PPARGC1A: variants seen among roughly 807,000 people sequenced by gnomAD.
PPARGC1A encodes the protein peroxisome proliferator-activated receptor gamma coactivator 1-alpha.
A neutral mutation model predicts 88.7 loss-of-function variants in PPARGC1A; 25 were observed. That is an observed-to-expected ratio of 0.28 (90% CI 0.21 to 0.39). PPARGC1A has a LOEUF of 0.39. Among genes scored for constraint, PPARGC1A ranks in the 10% least tolerant of loss-of-function variants. The pLI, the probability that PPARGC1A is intolerant of heterozygous loss-of-function variation, is 1.00. For missense variants in PPARGC1A, 880 were observed against 968.7 expected, an observed-to-expected ratio of 0.91 and a Z score of 1.22; for synonymous variants, 363 against 355.6, an observed-to-expected ratio of 1.02 and a Z score of -0.24.
At chr4:23,940,104 G>A in the PPARGC1A span, among the ~76,000 whole-genome samples, 2 of 152,094 alleles carry the variant, frequency 1.3e-5, no homozygotes, top group Non-Finnish European at 2.9e-5. Context: ...TGTAATCAAT[G>A]ATTTATCAGA....
the PPARGC1A span, among the ~76,000 whole-genome samples, chr4:24,326,374 G>A: frequency 6.6e-6 from 1 of 151,902 alleles, no homozygotes; most frequent in African/African-American, 2.4e-5. Context: ...AAATTGTTTT[G>A]CCTATCCACC....
chr4:23,876,574 G>T (rs577841953), intron 2 of PPARGC1A, among the ~76,000 whole-genome samples: 1 of 152,062 alleles, frequency 6.6e-6, no homozygotes, highest in Admixed American at 6.6e-5. Context: ...CTGATTTGGC[G>T]CAGGGAAGGG....
the PPARGC1A span, among the ~76,000 whole-genome samples, chr4:24,172,868 C>T: frequency 2.6e-5 from 4 of 152,208 alleles, no homozygotes; most frequent in African/African-American, 9.6e-5. Context: ...ACCTAAAAGC[C>T]TCTTCAGTTT....
At chr4:24,020,105 T>C in the PPARGC1A span, among the ~76,000 whole-genome samples, 1 of 152,150 alleles carries the variant, frequency 6.6e-6, no homozygotes, top group Non-Finnish European at 1.5e-5. Flanking sequence ...CCAAACTCCA[T>C]CCACTCCTTC....
intron 7 of PPARGC1A, among the ~76,000 whole-genome samples, chr4:23,817,714 C>T (rs757318026): frequency 2.0e-5 from 3 of 152,018 alleles, no homozygotes; most frequent in Non-Finnish European, 4.4e-5. Context: ...TTGGCTAATT[C>T]CCTAAACCCT....
the PPARGC1A span, among the ~76,000 whole-genome samples, chr4:23,940,119 G>C: frequency 6.6e-6 from 1 of 152,146 alleles, no homozygotes. Context: ...ATCAGAACCA[G>C]TCTGGGTCTT....
the PPARGC1A span, among the ~76,000 whole-genome samples, chr4:24,082,079 T>C: frequency 0.062 from 9,463 of 152,144 alleles, 861 homozygotes; most frequent in African/African-American, 0.2. Flanking sequence ...ATATTTATTG[T>C]TCACCCGAAC....
At chr4:24,361,329 A>G in the PPARGC1A span, among the ~76,000 whole-genome samples, 1 of 152,228 alleles carries the variant, frequency 6.6e-6, no homozygotes, top group Non-Finnish European at 1.5e-5. Context: ...GTGAGAACCT[A>G]CAACTCCCCA....
chr4:23,830,650 C>A (rs891691580), intron 3 of PPARGC1A, among the ~76,000 whole-genome samples: 6 of 152,152 alleles, frequency 3.9e-5, no homozygotes, highest in Non-Finnish European at 8.8e-5. Context: ...AGAGTAACAA[C>A]CTCTAAATGG....
At chr4:24,114,125 A>AC in the PPARGC1A span, among the ~76,000 whole-genome samples, 1 of 133,354 alleles carries the variant, frequency 7.5e-6, no homozygotes, top group Admixed American at 7.3e-5. Context: ...CTCCATCACA[A>AC]AAAAAAAAAA....
chr4:23,806,002 C>G (rs1040181978), intron 10 of PPARGC1A, among the ~76,000 whole-genome samples: 2 of 152,020 alleles, frequency 1.3e-5, no homozygotes, highest in African/African-American at 4.8e-5. Context: ...AAATATAAAC[C>G]AGAGGACCTT....
chr4:24,029,396 T>G, the PPARGC1A span, among the ~76,000 whole-genome samples: 1 of 152,176 alleles, frequency 6.6e-6, no homozygotes, highest in African/African-American at 2.4e-5. Flanking sequence ...GCCTTAACCT[T>G]TCCCAGGTCC....
At chr4:24,276,358 T>C in the PPARGC1A span, among the ~76,000 whole-genome samples, 1 of 152,332 alleles carries the variant, frequency 6.6e-6, no homozygotes, top group East Asian at 1.9e-4. Context: ...CGCAAATGCA[T>C]GTGTGCCTAC....
the PPARGC1A span, among the ~76,000 whole-genome samples, chr4:24,254,300 C>G: frequency 6.6e-6 from 1 of 152,078 alleles, no homozygotes. Context: ...TATTGGGTAC[C>G]TTTTCCAGAA....
At chr4:23,971,847 T>A in the PPARGC1A span, among the ~76,000 whole-genome samples, 1 of 152,116 alleles carries the variant, frequency 6.6e-6, no homozygotes, top group Non-Finnish European at 1.5e-5. Context: ...ATAAAGATCC[T>A]CTCCCTAAAA....
chr4:24,384,162 C>A, the PPARGC1A span, among the ~76,000 whole-genome samples: 26,757 of 151,944 alleles, frequency 0.18, 2,587 homozygotes, highest in Middle Eastern at 0.32. Flanking sequence ...GAAATAAAAT[C>A]CTTTACAGAC....
the PPARGC1A span, among the ~76,000 whole-genome samples, chr4:23,945,753 A>C: frequency 1.1e-4 from 17 of 152,172 alleles, no homozygotes; most frequent in East Asian, 1.2e-3. Context: ...ATTATCCCCA[A>C]GTTTGTTTTT....
the PPARGC1A span, among the ~76,000 whole-genome samples, chr4:24,250,965 C>G: frequency 6.6e-6 from 1 of 152,236 alleles, no homozygotes; most frequent in Non-Finnish European, 1.5e-5. Context: ...CCAGGCCAAA[C>G]TCATCTGGGG....
the PPARGC1A span, among the ~76,000 whole-genome samples, chr4:24,096,653 G>C: frequency 6.6e-6 from 1 of 152,164 alleles, no homozygotes; most frequent in African/African-American, 2.4e-5. Flanking sequence ...CACACTTTCA[G>C]TACGTCAGGA....
Sources: gnomAD v4.1 joint callset for allele counts (sites outside exome capture counted in the v4.1 genomes callset) on GRCh38, gnomAD v4.1.1 for gene constraint, MANE v1.5 for transcripts, NCBI Gene and HGNC (gene_info 2026-07-23, HGNC 2026-07-21) for gene names.